FSTL3: variants seen among roughly 807,000 people sequenced by gnomAD.
FSTL3 encodes the protein follistatin-related protein 3.
Under a neutral mutation model 28.1 loss-of-function variants are expected in FSTL3, and 21 were observed. The ratio of observed to expected loss-of-function variants is 0.75; its 90% CI spans 0.53 to 1.08. The LOEUF is 1.08. Among genes scored for constraint, FSTL3 ranks in the 50% least tolerant of loss-of-function variants. The pLI, the probability that FSTL3 is intolerant of heterozygous loss-of-function variation, is 0.00. For synonymous variants in FSTL3, 199 were observed against 164.2 expected (o/e 1.21, Z -1.62); for missense variants, 400 against 380.9 (o/e 1.05, Z -0.42).
intron 2 of FSTL3, among the ~76,000 whole-genome samples, chr19:679,737 G>C (rs1046529632): frequency 6.6e-6 from 1 of 152,152 alleles, no homozygotes; most frequent in African/African-American, 2.4e-5. Context: ...CAGAGGCCTA[G>C]GGCTGTGGGG....
In FSTL3 at chr19:681,445, C is replaced by T. The variant is rs747244076; in HGVS notation, c.618C>T (p.Pro206=). The change falls in exon 4 of 5, where the codon CCC becomes CCT. Residue 206 remains proline (P), a synonymous_variant. Transcript: ENST00000166139. ...CGCCCTGCCCTGTGCCCTCCAGCCC[C>T]GGCCAGGAGCTTTGCGGCAACAACA... is the stretch of plus-strand genomic sequence containing the variant. ...RAAPCPVPSS[P]GQELCGNNNV... 8.9e-5 allele frequency: 142 copies of T among 1,599,316 alleles called. No homozygotes were observed. Among genetic ancestry groups the T allele is most frequent in the Non-Finnish European group, 1.2e-4 (137 of 1,179,404 alleles).
In FSTL3 at chr19:681,896, TGGTG is replaced by T; in HGVS notation, c.*195_*198del. 1.6e-6 allele frequency: 1 copy of T among 632,112 alleles called. No individual in the cohort carries two copies. The highest frequency in any genetic ancestry group is 2.8e-6 in the Non-Finnish European group (1 of 358,086). 39.2% of individuals were successfully genotyped at this position (632,112 alleles called of 1,614,324 possible). ...GAGGAAGGGAGGCCTGGGGGCCGGC[TGGTG>T]GGTGGGATAGACCTGCGTTCCGGAC... On this transcript the variant is annotated 3_prime_UTR_variant, in exon 5 of 5. Coordinates refer to ENST00000166139, the MANE Select transcript of FSTL3 (RefSeq NM_005860.3).
At position 677,860 on chromosome 19, in the gene FSTL3, C is replaced by A; in HGVS notation, c.172C>A (p.Arg58=). 5.6e-6 allele frequency: 9 copies of A among 1,613,156 alleles called. No homozygotes were observed. The highest frequency in any genetic ancestry group is 7.6e-6 in the Non-Finnish European group (9 of 1,179,974). Residue 58 remains arginine, a synonymous_variant, in exon 2 of 5, where the codon CGG becomes AGG. Transcript: ENST00000166139. ...CSLVLQTDVT[R]AECCASGNID... is the part of the protein sequence containing the mutation. Reference sequence around the variant, plus strand: ...CCTGGTGCTCCAGACTGATGTCACCCGGGCCGAGTGCTGTGCCTCCGGCAA... The same window carrying A: ...CCTGGTGCTCCAGACTGATGTCACCAGGGCCGAGTGCTGTGCCTCCGGCAA...
chr19:679,235 G>A (rs1024135563), intron 2 of FSTL3, among the ~76,000 whole-genome samples: 2 of 152,020 alleles, frequency 1.3e-5, no homozygotes, highest in East Asian at 1.9e-4. Flanking sequence ...GTTCTCGCTC[G>A]CATAAAAGCC....
In FSTL3 at chr19:680,004, C is replaced by G. The variant is rs1476136067; in HGVS notation, c.290-270C>G. 2.5e-5 allele frequency: 5 copies of G among 201,936 alleles called. No homozygotes were observed. The East Asian group carries it at 4.8e-4, about 19-fold the overall frequency. 12.5% of individuals were successfully genotyped at this position (201,936 alleles called of 1,614,324 possible). ...TGGACCCCGATTCCGGGCAGAGACC[C>G]CCCCCCGCCCCGGCCCGCGCGCACC... On this transcript the variant is annotated intron_variant, in intron 2 of 4. Coordinates refer to ENST00000166139, the MANE Select transcript of FSTL3 (RefSeq NM_005860.3).
At chr19:678,817 G>A (rs1339491194) in intron 2 of FSTL3, among the ~76,000 whole-genome samples, 1 of 151,996 alleles carries the variant, frequency 6.6e-6, no homozygotes, top group East Asian at 1.9e-4. Context: ...GGCCTGTTGG[G>A]GCACATCTTG....
chr19:680,010 C>CCCG (rs1555683188), intron 2 of FSTL3: 4 of 173,084 alleles, frequency 2.3e-5, no homozygotes, highest in African/African-American at 1.5e-4. Context: ...GACCCCCCCC[C>CCCG]GCCCCGGCCC....
chr19:676,570 G>C lies in FSTL3; in HGVS notation c.103+44G>C, dbSNP rs1244673707. 5 of 669,138 alleles carry C rather than the reference G, an allele frequency of 7.5e-6. No homozygotes were observed. In the South Asian group the frequency reaches 3.6e-4, roughly 48 times the overall value. 41.5% of individuals were successfully genotyped at this position (669,138 alleles called of 1,614,324 possible). The stretch of plus-strand genomic sequence containing the variant: ...GGGGCGGGCGGGGCGGGCCACCCAC[G>C]TGGGGCTGCGCGGAATGCGGCCGGG... On this transcript the variant is annotated intron_variant, in intron 1 of 4. Coordinates refer to ENST00000166139, the MANE Select transcript of FSTL3 (RefSeq NM_005860.3).
chr19:680,721 T>G (rs1443581856), intron 3 of FSTL3: 23 of 355,378 alleles, frequency 6.5e-5, no homozygotes, highest in Non-Finnish European at 1.0e-4. Context: ...CCGCAGTGCG[T>G]AGGGGCGGGG....
chr19:678,025 G>A, intron 2 of FSTL3, 48 bp downstream of exon 2: 1 of 1,555,930 alleles, frequency 6.4e-7, no homozygotes, highest in Non-Finnish European at 8.8e-7. Context: ...CTCAGGACCA[G>A]CCACAAACAG....
In FSTL3 at chr19:681,801, CA is replaced by C; in HGVS notation, c.*94del. 2.7e-6 allele frequency: 3 copies of C among 1,118,088 alleles called. No individual in the cohort carries two copies. In the East Asian group the frequency reaches 7.7e-5, roughly 29 times the overall value. The allele number at this position is 1,118,088 out of a possible 1,614,324, so 69.3% of individuals were successfully genotyped here. On this transcript the variant is annotated 3_prime_UTR_variant, in exon 5 of 5. Transcript: ENST00000166139. ...CAGAGTCTAATTTATATGCCACGGA[CA>C]CTCCTTAGAGCCCGGATTCGGACCA...
chr19:676,570 G>A (rs1244673707), intron 1 of FSTL3, 44 bp downstream of exon 1: 4 of 669,138 alleles, frequency 6.0e-6, no homozygotes, highest in Non-Finnish European at 6.0e-6. Context: ...GGCCACCCAC[G>A]TGGGGCTGCG....
In FSTL3 at chr19:678,053, C is replaced by T. The variant is rs569659169; in HGVS notation, c.289+76C>T. On this transcript the variant is annotated intron_variant, in intron 2 of 4. Transcript: ENST00000166139. ...ACAAACAGTCATGGTGGTCGAGGGC[C>T]GAACGTCCAGGGACTGAGCCCGTCA... The T allele has an allele frequency of 2.0e-4, 281 of 1,422,580 alleles. 1 individual carries two copies. The Middle Eastern group carries it at 2.5e-3, about 13-fold the overall frequency. 88.1% of individuals were successfully genotyped at this position (1,422,580 alleles called of 1,614,324 possible). A position where few individuals can be genotyped will look rare whatever the true frequency, so the allele number is the denominator to read the frequency against.
chr19:679,840 C>G (rs1216436344), intron 2 of FSTL3, among the ~76,000 whole-genome samples: 1 of 152,178 alleles, frequency 6.6e-6, no homozygotes, highest in Admixed American at 6.5e-5. Context: ...CTGGCAGCCC[C>G]AGACTCGCGC....
chr19:681,532 C>T lies in FSTL3; in HGVS notation c.705C>T (p.Ile235=), dbSNP rs763917132. Residue 235 remains isoleucine, a synonymous_variant, in exon 4 of 5, where the codon ATC becomes ATT. Coordinates refer to ENST00000166139, the MANE Select transcript of FSTL3 (RefSeq NM_005860.3). The stretch of plus-strand genomic sequence containing the variant: ...CCACCTGCTTCCTGGGCCGCTCCAT[C>T]GGCGTGCGCCACGCGGGCAGCTGCG... The part of the protein sequence containing the change: ...RQATCFLGRS[I]GVRHAGSCAG... 12 of 1,607,422 alleles carry T rather than the reference C, an allele frequency of 7.5e-6. No individual in the cohort carries two copies. In the African/African-American group the frequency reaches 9.3e-5, roughly 13 times the overall value.
At position 680,258 on chromosome 19, in the gene FSTL3, T is replaced by G; in HGVS notation, c.290-16T>G. 1 of 1,333,298 alleles carries G rather than the reference T, an allele frequency of 7.5e-7. No homozygotes were observed. Among genetic ancestry groups the G allele is most frequent in the Admixed American group, 3.5e-5 (1 of 28,638 alleles). The allele number at this position is 1,333,298 out of a possible 1,614,324, so 82.6% of individuals were successfully genotyped here. A position where few individuals can be genotyped will look rare whatever the true frequency, so the allele number is the denominator to read the frequency against. ...CCTCCCGCGCCCGGCCCCACGCGCG[T>G]GTCCTCTGTCCGCAGATTCGTGCGA... On this transcript the variant is annotated splice_polypyrimidine_tract_variant and intron_variant, in intron 2 of 4. Transcript: ENST00000166139.
In FSTL3 at chr19:683,340, C is replaced by G. The variant is rs1252037655; in HGVS notation, c.*1632C>G. 4.5e-6 allele frequency: 1 copy of G among 222,924 alleles called. No individual in the cohort carries two copies. Among genetic ancestry groups the G allele is most frequent in the Non-Finnish European group, 9.0e-6 (1 of 111,674 alleles). The allele number at this position is 222,924 out of a possible 1,614,324, so 13.8% of individuals were successfully genotyped here. On this transcript the variant is annotated 3_prime_UTR_variant, in exon 5 of 5. Coordinates refer to ENST00000166139, the MANE Select transcript of FSTL3 (RefSeq NM_005860.3). ...TCTACAGGAGCCTCAGCCAGGCAGC[C>G]CACCCCACCCTGGGGCCCTGCCTCA...
At chr19:680,172 G>T in intron 2 of FSTL3, 102 bp from the exon 3 acceptor site, 2 of 655,418 alleles carry the variant, frequency 3.1e-6, no homozygotes, top group Non-Finnish European at 2.2e-6. Flanking sequence ...CCCCGCCTCC[G>T]CCCTGCAGAA....
Position 680,452 on chromosome 19 carries a change from C to T in FSTL3, c.468C>T (p.His156=). The change falls in exon 3 of 5, where the codon CAC becomes CAT. Residue 156 remains histidine (H), a synonymous_variant. Transcript: ENST00000166139. The stretch of plus-strand genomic sequence containing the variant: ...TGCGCGCCGCGCGCTGCCGCGGCCA[C>T]CCGGACCTGAGCGTCATGTACCGGG... The part of the protein sequence containing the change: ...CELRAARCRG[H]PDLSVMYRGR... 7.9e-7 allele frequency: 1 copy of T among 1,261,592 alleles called. No homozygotes were observed. Among genetic ancestry groups the T allele is most frequent in the Non-Finnish European group, 9.9e-7 (1 of 1,005,324 alleles). 78.1% of individuals were successfully genotyped at this position (1,261,592 alleles called of 1,614,324 possible).
Sources: gnomAD v4.1 joint callset for allele counts (sites outside exome capture counted in the v4.1 genomes callset) on GRCh38, gnomAD v4.1.1 for gene constraint, MANE v1.5 for transcripts, NCBI Gene and HGNC (gene_info 2026-07-23, HGNC 2026-07-21) for gene names.